AGBL4: variants seen among roughly 807,000 people sequenced by gnomAD.
AGBL4 encodes the protein AGBL carboxypeptidase 4.
Under a neutral mutation model 66.4 loss-of-function variants are expected in AGBL4, and 58 were observed. The ratio of observed to expected loss-of-function variants is 0.87; its 90% CI spans 0.71 to 1.09. The LOEUF is 1.09. AGBL4 is among the 50% of genes least tolerant of loss of function. AGBL4 has a pLI of 0.00. For synonymous variants in AGBL4, 234 were observed against 222.9 expected, an observed-to-expected ratio of 1.05 and a Z score of -0.44; for missense variants, 579 against 631.0, an observed-to-expected ratio of 0.92 and a Z score of 0.88.
chr1:49,916,004 C>A (rs1401360002), intron 1 of AGBL4, among the ~76,000 whole-genome samples: 1 of 152,216 alleles, frequency 6.6e-6, no homozygotes, highest in African/African-American at 2.4e-5. Context: ...CAAACTCCAA[C>A]AGACCTTCAG....
At chr1:49,760,469 G>C (rs1342920985) in intron 2 of AGBL4, among the ~76,000 whole-genome samples, 1 of 152,104 alleles carries the variant, frequency 6.6e-6, no homozygotes, top group African/African-American at 2.4e-5. Flanking sequence ...ACCACAATGA[G>C]ATACCATCTC....
chr1:49,075,467 C>T (rs554700705), intron 4 of AGBL4, among the ~76,000 whole-genome samples: 18 of 152,204 alleles, frequency 1.2e-4, no homozygotes, highest in Non-Finnish European at 1.3e-4. Flanking sequence ...ACAATTTTTC[C>T]TGGTCATGAA....
intron 5 of AGBL4, among the ~76,000 whole-genome samples, chr1:48,892,506 T>G (rs747374850): frequency 4.6e-5 from 7 of 152,128 alleles, no homozygotes; most frequent in Non-Finnish European, 7.4e-5. Context: ...TTTAGGGAGA[T>G]GATAAACATC....
rs202245188 is a variant in AGBL4, at chr1:48,688,799, C to CT, written c.635-25559dup. Among the ~76,000 whole-genome samples, 388 of 144,162 alleles carry CT rather than the reference C, an allele frequency of 2.7e-3. 2 individuals are homozygous for CT. Among genetic ancestry groups the CT allele is most frequent in the Middle Eastern group, 0.011 (3 of 280 alleles). 94.6% of individuals were successfully genotyped at this position (144,162 alleles called of 152,430 possible). A position where few individuals can be genotyped will look rare whatever the true frequency, so the allele number is the denominator to read the frequency against. ...GATCCAGGAAGAGCATTGCAAAGCT[C>CT]TTTTTTTTTTTTTGAATTTAGAAAT... On this transcript the variant is annotated intron_variant, in intron 6 of 13. Coordinates refer to ENST00000371839, the MANE Select transcript of AGBL4 (RefSeq NM_032785.4).
At chr1:49,820,327 AC>A (rs1489141794) in intron 2 of AGBL4, among the ~76,000 whole-genome samples, 1 of 152,114 alleles carries the variant, frequency 6.6e-6, no homozygotes, top group East Asian at 1.9e-4. Context: ...GAGGACCCAC[AC>A]CCTAGCCCAA....
chr1:48,565,324 C>T (rs530863314), intron 11 of AGBL4, among the ~76,000 whole-genome samples: 28 of 152,260 alleles, frequency 1.8e-4, no homozygotes, highest in Non-Finnish European at 3.5e-4. Context: ...AATGACCTCT[C>T]TCCCTACCGC....
rs184154858 is a variant in AGBL4 at position 49,564,832 on chromosome 1, G to A, written c.282+132481C>T. The stretch of plus-strand genomic sequence containing the variant: ...TAGATGTCTATTAGGTCCGCTTGGT[G>A]CAGAGCTGAGTTCAATTCCTGGATA... On this transcript the variant is annotated intron_variant, in intron 3 of 13. Coordinates refer to ENST00000371839, the MANE Select transcript of AGBL4 (RefSeq NM_032785.4). Among the ~76,000 whole-genome samples the A allele has an allele frequency of 2.2e-3, 341 of 152,294 alleles. 2 individuals carry two copies. Among genetic ancestry groups the A allele is most frequent in the Non-Finnish European group, 3.9e-3 (262 of 68,022 alleles).
chr1:49,392,698 TACACACACACAC>T (rs55786055), intron 3 of AGBL4, among the ~76,000 whole-genome samples: 7 of 147,512 alleles, frequency 4.7e-5, no homozygotes, highest in Non-Finnish European at 9.0e-5. Context: ...CAACTGTGTA[TACACACACACAC>T]ACACACACAC....
chr1:48,789,294 A>ATTTTT (rs58314536), intron 6 of AGBL4, among the ~76,000 whole-genome samples: 1 of 131,946 alleles, frequency 7.6e-6, no homozygotes, highest in Admixed American at 7.6e-5. Context: ...ATATATATAT[A>ATTTTT]TTTTTTTTTT....
At chr1:48,894,972 G>A (rs191343233) in intron 5 of AGBL4, among the ~76,000 whole-genome samples, 1 of 152,248 alleles carries the variant, frequency 6.6e-6, no homozygotes, top group Non-Finnish European at 1.5e-5. Context: ...CCACCTATTT[G>A]GTAAGTCAAA....
intron 6 of AGBL4, among the ~76,000 whole-genome samples, chr1:48,674,880 C>T (rs2148471891): frequency 6.6e-6 from 1 of 152,236 alleles, no homozygotes; most frequent in East Asian, 1.9e-4. Context: ...TGCTCTGTTC[C>T]CTCCCAGCCC....
At chr1:48,704,772 C>T (rs114189512) in intron 6 of AGBL4, among the ~76,000 whole-genome samples, 2,019 of 152,214 alleles carry the variant, frequency 0.013, 28 homozygotes, top group Middle Eastern at 0.031. Flanking sequence ...AAGGACCTGC[C>T]TGAGGGTGTT....
chr1:49,584,841 G>A (rs537108349), intron 3 of AGBL4, among the ~76,000 whole-genome samples: 1 of 152,258 alleles, frequency 6.6e-6, no homozygotes, highest in African/African-American at 2.4e-5. Context: ...AGTAGCTGCT[G>A]TTGTTATTTC....
At chr1:49,949,607 G>T (rs1655886322) in intron 1 of AGBL4, among the ~76,000 whole-genome samples, 1 of 151,764 alleles carries the variant, frequency 6.6e-6, no homozygotes, top group African/African-American at 2.4e-5. Context: ...ATGGAAAAAT[G>T]CTTAACATCA....
rs374179981 is a variant in AGBL4 at position 49,912,457 on chromosome 1, T to C, written c.35-60939A>G. ...ATCTAATATTTTATAGTATGTAACATTACCAAACATTATTCAAAGTGTTTT... is the reference window on the plus strand; with the variant it reads ...ATCTAATATTTTATAGTATGTAACACTACCAAACATTATTCAAAGTGTTTT... On this transcript the variant is annotated intron_variant, in intron 1 of 13. Transcript: ENST00000371839. Among the ~76,000 whole-genome samples, 5 of 152,356 alleles carry C rather than the reference T, an allele frequency of 3.3e-5. No individual in the cohort carries two copies. The East Asian group carries it at 9.6e-4, about 29-fold the overall frequency.
chr1:49,148,206 A>G (rs144835861), intron 4 of AGBL4, among the ~76,000 whole-genome samples: 1 of 152,242 alleles, frequency 6.6e-6, no homozygotes, highest in East Asian at 1.9e-4. Context: ...GTATTAATAA[A>G]CTTTATTACA....
Position 49,354,601 on chromosome 1 carries a change from A to C in AGBL4, c.283-108737T>G, listed in dbSNP as rs987144549. ...TATCATCTCCATGCTAATGACTCCC[A>C]AAAATACAGTAAAACCTCATGTAAC... On this transcript the variant is annotated intron_variant, in intron 3 of 13. Transcript: ENST00000371839. 5.3e-5 allele frequency among the ~76,000 whole-genome samples: 8 copies of C among 152,208 alleles called. No individual in the cohort carries two copies. In the East Asian group the frequency reaches 5.8e-4, roughly 11 times the overall value.
intron 3 of AGBL4, among the ~76,000 whole-genome samples, chr1:49,672,497 A>T (rs1646497389): frequency 6.6e-6 from 1 of 152,088 alleles, no homozygotes; most frequent in South Asian, 2.1e-4. Context: ...CTAAAACAAA[A>T]ATTAAAAAAA....
chr1:48,914,922 T>A (rs1174645512), intron 5 of AGBL4, among the ~76,000 whole-genome samples: 2 of 152,162 alleles, frequency 1.3e-5, no homozygotes, highest in Non-Finnish European at 2.9e-5. Flanking sequence ...AGGCTGCACA[T>A]TACAATCACC....
Sources: allele counts gnomAD v4.1 joint callset (sites outside exome capture counted in the v4.1 genomes callset), GRCh38; gene constraint gnomAD v4.1.1; transcripts MANE v1.5; gene names NCBI Gene and HGNC (gene_info 2026-07-23, HGNC 2026-07-21).